The following GATAD2A variants were observed in gnomAD, a reference collection of about 807,000 sequenced individuals.
GATAD2A encodes transcriptional repressor p66-alpha.
Under a neutral mutation model 68.5 loss-of-function variants are expected in GATAD2A, and 12 were observed. The ratio of observed to expected loss-of-function variants is 0.18; its 90% CI spans 0.11 to 0.28. The LOEUF (loss-of-function observed/expected upper bound fraction) is 0.28, where lower values mean the gene tolerates loss of function less well. Among genes scored for constraint, GATAD2A ranks in the 10% least tolerant of loss-of-function variants. The pLI, the probability that GATAD2A is intolerant of heterozygous loss-of-function variation, is 1.00. For synonymous variants in GATAD2A, 410 were observed against 375.3 expected (o/e 1.09, Z -1.07); for missense variants, 755 against 868.5 (o/e 0.87, Z 1.64).
At chr19:19,487,779 A>G (rs773804287) in intron 2 of GATAD2A, among the ~76,000 whole-genome samples, 1 of 152,158 alleles carries the variant, frequency 6.6e-6, no homozygotes, top group African/African-American at 2.4e-5. Context: ...GGTTCATGTC[A>G]GGTAGGGCCT....
intron 2 of GATAD2A, among the ~76,000 whole-genome samples, chr19:19,470,157 T>A (rs895158043): frequency 1.4e-4 from 20 of 147,214 alleles, no homozygotes; most frequent in East Asian, 6.0e-4. Context: ...TTTTTTTTGT[T>A]TTTTTTTTTT....
At chr19:19,463,813 T>C (rs1368154435) in intron 1 of GATAD2A, among the ~76,000 whole-genome samples, 2 of 152,206 alleles carry the variant, frequency 1.3e-5, no homozygotes, top group African/African-American at 4.8e-5. Flanking sequence ...CCGGGTGCCC[T>C]GGCTGGACCA....
chr19:19,430,505 G>A (rs1400008552), intron 1 of GATAD2A, among the ~76,000 whole-genome samples: 5 of 152,224 alleles, frequency 3.3e-5, no homozygotes, highest in Non-Finnish European at 7.3e-5. Context: ...GCCATGTCAT[G>A]TTCCCAGGAT....
chr19:19,398,747 G>A (rs2049461860), intron 1 of GATAD2A, among the ~76,000 whole-genome samples: 1 of 151,100 alleles, frequency 6.6e-6, no homozygotes, highest in South Asian at 2.1e-4. Context: ...CCAACATGGT[G>A]AAACCCCGTC....
At chr19:19,410,036 G>T (rs1024435373) in intron 1 of GATAD2A, among the ~76,000 whole-genome samples, 1 of 152,182 alleles carries the variant, frequency 6.6e-6, no homozygotes, top group African/African-American at 2.4e-5. Flanking sequence ...GGCCCTCAGT[G>T]AGAATGTCAC....
intron 1 of GATAD2A, among the ~76,000 whole-genome samples, chr19:19,444,329 G>C (rs2055442789): frequency 6.6e-6 from 1 of 152,148 alleles, no homozygotes; most frequent in African/African-American, 2.4e-5. Context: ...TTAGAGTTGT[G>C]ATCTAGGGAC....
At chr19:19,477,344 C>T (rs1313369687) in intron 2 of GATAD2A, among the ~76,000 whole-genome samples, 3 of 152,136 alleles carry the variant, frequency 2.0e-5, no homozygotes, top group African/African-American at 7.2e-5. Context: ...GTTGTGACGT[C>T]ATCAAATTGA....
chr19:19,482,395 C>T (rs183296308), intron 2 of GATAD2A, among the ~76,000 whole-genome samples: 12 of 152,294 alleles, frequency 7.9e-5, no homozygotes, highest in Admixed American at 5.9e-4. Flanking sequence ...TAGAGGGAGA[C>T]GCTTGTCTCC....
In GATAD2A at chr19:19,501,405, G is replaced by A. The variant is rs1201510051; in HGVS notation, c.1492G>A (p.Val498Met). 5 of 1,596,724 alleles carry A rather than the reference G, an allele frequency of 3.1e-6. No homozygotes were observed. The highest frequency in any genetic ancestry group is 1.8e-4 in the Middle Eastern group (1 of 5,562). Residue 498 changes from valine (V) to methionine (M), a missense_variant, in exon 9 of 12, where the codon GTG (valine) becomes ATG (methionine). By Grantham distance (21) the Val-to-Met change is conservative. Coordinates refer to ENST00000683918, the MANE Select transcript of GATAD2A (RefSeq NM_001384528.1). ...CGAGCCCACCGCTGCCCCACACCCC[G>A]TGCTGAAGCAGGTGAGCCTGGCCTG... ...KAEPTAAPHP[V>M]LKQVIKPRRK...
intron 2 of GATAD2A, among the ~76,000 whole-genome samples, chr19:19,476,371 CTTATT>C (rs2058677798): frequency 1.3e-5 from 2 of 152,218 alleles, no homozygotes; most frequent in Admixed American, 1.3e-4. Flanking sequence ...CTGCTGTTGT[CTTATT>C]TGTCACTCAC....
Position 19,465,369 on chromosome 19 carries a change from A to G in GATAD2A, c.24A>G (p.Thr8=), listed in dbSNP as rs771221511. ...GAATGACCGAAGAAGCATGCCGAACACGGAGTCAGAAACGAGCGCTTGAAC... is the reference window on the plus strand; with the variant it reads ...GAATGACCGAAGAAGCATGCCGAACGCGGAGTCAGAAACGAGCGCTTGAAC... MTEEACR[T]RSQKRALERD... is the part of the protein sequence containing the mutation. The change falls in exon 2 of 12, where the codon ACA becomes ACG. Residue 8 remains threonine, a synonymous_variant. Transcript: ENST00000683918. The G allele has an allele frequency of 1.9e-6, 3 of 1,613,986 alleles. No homozygotes were observed. The highest frequency in any genetic ancestry group is 2.2e-5 in the East Asian group (1 of 44,880).
At chr19:19,475,457 G>A (rs1017528312) in intron 2 of GATAD2A, among the ~76,000 whole-genome samples, 1 of 145,732 alleles carries the variant, frequency 6.9e-6, no homozygotes, top group African/African-American at 2.6e-5. Context: ...TCCGGAGCGG[G>A]GTACTCTGTG....
chr19:19,457,343 C>G (rs1391821653), intron 1 of GATAD2A: 1 of 523,324 alleles, frequency 1.9e-6, no homozygotes, highest in Non-Finnish European at 2.5e-6. Flanking sequence ...TTCAGTCTTG[C>G]CTGGAGACAT....
intron 1 of GATAD2A, among the ~76,000 whole-genome samples, chr19:19,435,454 G>A (rs1192751089): frequency 1.3e-5 from 2 of 152,160 alleles, no homozygotes; most frequent in African/African-American, 4.8e-5. Flanking sequence ...CAAACTGCTA[G>A]GCTCAAGCAG....
intron 1 of GATAD2A, among the ~76,000 whole-genome samples, chr19:19,448,346 C>T (rs1809363824): frequency 6.6e-6 from 1 of 152,238 alleles, no homozygotes; most frequent in Non-Finnish European, 1.5e-5. Flanking sequence ...AGGCCCTGGC[C>T]AACAGCGGCG....
At chr19:19,400,786 A>AT (rs2049654162), upstream of GATAD2A, among the ~76,000 whole-genome samples, 1 of 152,042 alleles carries the variant, frequency 6.6e-6, no homozygotes, top group Admixed American at 6.6e-5. Flanking sequence ...TCCCTTAGAG[A>AT]TTGTTGTTAT....
intron 4 of GATAD2A, 114 bp downstream of exon 4, chr19:19,492,826 G>A (rs2059892956): frequency 2.0e-6 from 2 of 1,013,606 alleles, no homozygotes; most frequent in Admixed American, 2.4e-5. Flanking sequence ...AGGGAGTATA[G>A]GGCAAGGTCC....
upstream of GATAD2A, among the ~76,000 whole-genome samples, chr19:19,405,616 C>T (rs1352290695): frequency 6.6e-6 from 1 of 151,762 alleles, no homozygotes; most frequent in Non-Finnish European, 1.5e-5. Context: ...CCGCCTTCTA[C>T]GCCTGGAACC....
At chr19:19,388,882 A>C (rs1286094350) in intron 1 of GATAD2A, among the ~76,000 whole-genome samples, 1 of 152,086 alleles carries the variant, frequency 6.6e-6, no homozygotes. Flanking sequence ...CCTTGATCAA[A>C]TAGGATCCCT....
Sources: gnomAD v4.1 joint callset for allele counts (sites outside exome capture counted in the v4.1 genomes callset) on GRCh38, gnomAD v4.1.1 for gene constraint, MANE v1.5 for transcripts, NCBI Gene and HGNC (gene_info 2026-07-23, HGNC 2026-07-21) for gene names.